ERBB4: variants seen among roughly 807,000 people sequenced by gnomAD.
The protein encoded by ERBB4 is receptor tyrosine-protein kinase erbB-4.
In ERBB4, 42 loss-of-function variants were observed where a neutral mutation model predicts 158.0. The observed-to-expected ratio is 0.27, with a 90% confidence interval of 0.21 to 0.34. ERBB4 has a LOEUF of 0.34. ERBB4 is among the 10% of genes least tolerant of loss of function. The pLI, the probability that ERBB4 is intolerant of heterozygous loss-of-function variation, is 1.00. For synonymous variants in ERBB4, 583 were observed against 558.7 expected (o/e 1.04, Z -0.61); for missense variants, 1,333 against 1,624.1 (o/e 0.82, Z 3.08).
intron 2 of ERBB4, among the ~76,000 whole-genome samples, chr2:212,038,367 A>G (rs2077063028): frequency 6.6e-6 from 1 of 152,072 alleles, no homozygotes; most frequent in African/African-American, 2.4e-5. Flanking sequence ...TTCTAGTCAA[A>G]TATGGTCCTT....
intron 1 of ERBB4, among the ~76,000 whole-genome samples, chr2:212,127,306 T>C (rs774193051): frequency 4.2e-4 from 64 of 152,216 alleles, no homozygotes; most frequent in Non-Finnish European, 5.3e-4. Context: ...AAACATTATA[T>C]TTTTTGCTGG....
At chr2:211,815,469 G>A (rs2076864161) in intron 3 of ERBB4, among the ~76,000 whole-genome samples, 1 of 152,260 alleles carries the variant, frequency 6.6e-6, no homozygotes, top group African/African-American at 2.4e-5. Context: ...CAAATTTTTA[G>A]AGATTGTCAA....
intron 2 of ERBB4, among the ~76,000 whole-genome samples, chr2:212,080,320 AT>A (rs1440089340): frequency 2.0e-5 from 3 of 151,676 alleles, no homozygotes; most frequent in Non-Finnish European, 4.4e-5. Flanking sequence ...TCAAAAAAAA[AT>A]AAGAATAAAA....
intron 1 of ERBB4, among the ~76,000 whole-genome samples, chr2:212,166,185 T>G (rs1189714151): frequency 1.3e-5 from 2 of 152,086 alleles, no homozygotes; most frequent in African/African-American, 4.8e-5. Context: ...GTCCCTGACC[T>G]TTGGCATCTT....
intron 2 of ERBB4, among the ~76,000 whole-genome samples, chr2:212,111,677 C>T (rs749950794): frequency 6.6e-6 from 1 of 150,756 alleles, no homozygotes; most frequent in African/African-American, 2.4e-5. Context: ...TTCCATGAAT[C>T]TTCTTATAAC....
At chr2:212,486,791 T>C (rs1690005291) in intron 1 of ERBB4, among the ~76,000 whole-genome samples, 1 of 152,170 alleles carries the variant, frequency 6.6e-6, no homozygotes, top group Non-Finnish European at 1.5e-5. Flanking sequence ...ACAGTTACCT[T>C]GTAAGCAGCA....
At chr2:212,189,576 A>G (rs1318394066) in intron 1 of ERBB4, among the ~76,000 whole-genome samples, 1 of 152,214 alleles carries the variant, frequency 6.6e-6, no homozygotes, top group Admixed American at 6.5e-5. Flanking sequence ...AGAGCTAGTA[A>G]TAAGAATCTT....
chr2:211,522,961 C>T (rs971729193), intron 20 of ERBB4, among the ~76,000 whole-genome samples: 2 of 151,314 alleles, frequency 1.3e-5, no homozygotes, highest in African/African-American at 2.4e-5. Context: ...GGAGGTACAC[C>T]TATACTTGGT....
At chr2:211,680,573 A>G (rs1339969796) in intron 12 of ERBB4, among the ~76,000 whole-genome samples, 2 of 152,210 alleles carry the variant, frequency 1.3e-5, no homozygotes. Context: ...AGGGAAGTCT[A>G]TCTGTGAAAT....
intron 25 of ERBB4, among the ~76,000 whole-genome samples, chr2:211,414,848 TTACGTA>T (rs2063347351): frequency 1.3e-5 from 2 of 152,122 alleles, no homozygotes; most frequent in African/African-American, 2.4e-5. Flanking sequence ...CATTTGTAAG[TTACGTA>T]AACTGTCCAT....
intron 3 of ERBB4, among the ~76,000 whole-genome samples, chr2:211,874,745 G>A (rs1452484068): frequency 6.6e-6 from 1 of 152,054 alleles, no homozygotes; most frequent in African/African-American, 2.4e-5. Flanking sequence ...CTCTTCAGCA[G>A]TTTAGCCATC....
At chr2:211,787,524 C>A (rs1050600380) in intron 4 of ERBB4, among the ~76,000 whole-genome samples, 1 of 152,102 alleles carries the variant, frequency 6.6e-6, no homozygotes, top group Non-Finnish European at 1.5e-5. Context: ...TTTCTCCATT[C>A]CATAAGTGTT....
rs71057412 is a variant in ERBB4 at position 212,446,591 on chromosome 2, G to GTATATATATATATA, written c.82+91844_82+91857dup. 3.2e-3 allele frequency among the ~76,000 whole-genome samples: 88 copies of GTATATATATATATA among 27,464 alleles called. 9 individuals carry two copies. Among genetic ancestry groups the GTATATATATATATA allele is most frequent in the Middle Eastern group, 0.025 (1 of 40 alleles). The allele number at this position is 27,464 out of a possible 152,430, so 18.0% of individuals were successfully genotyped here. Reference sequence around the variant, plus strand: ...TTAATAAACTCCCATATATATATATGTATATATATATATATATATATATAT... The same window carrying GTATATATATATATA: ...TTAATAAACTCCCATATATATATATGTATATATATATATATATATATATATATATATATATATAT... On this transcript the variant is annotated intron_variant, in intron 1 of 27. Coordinates refer to ENST00000342788, the MANE Select transcript of ERBB4 (RefSeq NM_005235.3).
chr2:212,380,224 G>A (rs2090458878), intron 1 of ERBB4, among the ~76,000 whole-genome samples: 1 of 151,282 alleles, frequency 6.6e-6, no homozygotes, highest in South Asian at 2.1e-4. Flanking sequence ...GGGAAAAAAT[G>A]TGTCTGTACT....
At chr2:212,317,029 CTTTA>C (rs1342147339) in intron 1 of ERBB4, among the ~76,000 whole-genome samples, 3 of 151,480 alleles carry the variant, frequency 2.0e-5, no homozygotes, top group Admixed American at 1.3e-4. Flanking sequence ...GTGATATGTT[CTTTA>C]TTTGATATTT....
intron 1 of ERBB4, among the ~76,000 whole-genome samples, chr2:212,433,928 G>A (rs1266104867): frequency 6.6e-6 from 1 of 151,918 alleles, no homozygotes; most frequent in East Asian, 1.9e-4. Context: ...GAAGAGGGAT[G>A]CTCAAGGAGA....
rs557158854 is a variant in ERBB4, at chr2:211,930,629, GA to G, written c.421+16800del. ...GCCGTGTTATAGCAATTGAGCTACT[GA>G]AAACACTATCAGCGATAGCCTACCC... On this transcript the variant is annotated intron_variant, in intron 3 of 27. Coordinates refer to ENST00000342788, the MANE Select transcript of ERBB4 (RefSeq NM_005235.3). 1.1e-3 allele frequency among the ~76,000 whole-genome samples: 172 copies of G among 152,200 alleles called. 1 individual carries two copies. The highest frequency in any genetic ancestry group is 3.5e-3 in the African/African-American group (146 of 41,542).
chr2:211,386,509 C>T (rs556472002), intron 27 of ERBB4, among the ~76,000 whole-genome samples: 2 of 152,246 alleles, frequency 1.3e-5, no homozygotes, highest in East Asian at 1.9e-4. Context: ...AGCTATGGTC[C>T]TGACACTTTG....
At chr2:211,441,308 A>G (rs1236987182) in intron 20 of ERBB4, among the ~76,000 whole-genome samples, 2 of 152,136 alleles carry the variant, frequency 1.3e-5, no homozygotes. Flanking sequence ...TCATCACATT[A>G]CTTAAAATGT....
Sources: allele counts gnomAD v4.1 joint callset (sites outside exome capture counted in the v4.1 genomes callset), GRCh38; gene constraint gnomAD v4.1.1; transcripts MANE v1.5; gene names NCBI Gene and HGNC (gene_info 2026-07-23, HGNC 2026-07-21).